SAMMSON: variants seen among roughly 807,000 people sequenced by gnomAD.
SAMMSON encodes the protein survival associated mitochondrial melanoma specific oncogenic non-coding RNA, also known as long intergenic non-protein coding RNA 1212.
chr3:70,377,211 A>G (rs1443442953), intron 9 of SAMMSON, among the ~76,000 whole-genome samples: 1 of 152,146 alleles, frequency 6.6e-6, no homozygotes, highest in Non-Finnish European at 1.5e-5. Context: ...AAACTGTATG[A>G]AACAGAGAAA....
chr3:70,000,136 G>A (rs190854933), intron 1 of SAMMSON, among the ~76,000 whole-genome samples: 5 of 152,316 alleles, frequency 3.3e-5, no homozygotes, highest in Admixed American at 3.3e-4. Context: ...CAAACTAAGA[G>A]AGCACCCAGT....
At chr3:70,041,209 A>G (rs920176584) in intron 3 of SAMMSON, among the ~76,000 whole-genome samples, 2 of 152,102 alleles carry the variant, frequency 1.3e-5, no homozygotes, top group African/African-American at 4.8e-5. Context: ...CATTTGTGGA[A>G]TTTCCAAAGA....
intron 3 of SAMMSON, among the ~76,000 whole-genome samples, chr3:70,035,299 G>A (rs963545896): frequency 4.6e-5 from 7 of 152,262 alleles, no homozygotes; most frequent in African/African-American, 1.7e-4. Context: ...AGCACACTGA[G>A]TGCTTTTCAC....
At chr3:70,077,060 G>C (rs2067250472) in intron 4 of SAMMSON, among the ~76,000 whole-genome samples, 1 of 152,016 alleles carries the variant, frequency 6.6e-6, no homozygotes, top group Non-Finnish European at 1.5e-5. Flanking sequence ...AATGAAGGAA[G>C]CTTAATTTCA....
downstream of SAMMSON, among the ~76,000 whole-genome samples, chr3:70,394,732 A>G (rs1701077255): frequency 6.6e-6 from 1 of 152,168 alleles, no homozygotes; most frequent in Non-Finnish European, 1.5e-5. Flanking sequence ...AACTATACGT[A>G]AAATCACGTC....
At chr3:70,034,079 A>G (rs1402421823) in intron 3 of SAMMSON, among the ~76,000 whole-genome samples, 1 of 152,162 alleles carries the variant, frequency 6.6e-6, no homozygotes, top group Non-Finnish European at 1.5e-5. Flanking sequence ...TAACTTTTGT[A>G]CTGGATACCA....
chr3:70,008,119 G>A (rs2066936320), intron 1 of SAMMSON, among the ~76,000 whole-genome samples: 2 of 152,100 alleles, frequency 1.3e-5, no homozygotes, highest in South Asian at 2.1e-4. Flanking sequence ...GGATTGACTT[G>A]GCGATGTGGG....
At chr3:70,300,911 TA>T (rs775284707) in intron 7 of SAMMSON, among the ~76,000 whole-genome samples, 8 of 151,982 alleles carry the variant, frequency 5.3e-5, no homozygotes, top group South Asian at 2.1e-4. Flanking sequence ...TTGCTGTTTT[TA>T]AAAAAAAGTC....
chr3:70,229,836 T>A (rs1194945831), intron 4 of SAMMSON, among the ~76,000 whole-genome samples: 1 of 152,184 alleles, frequency 6.6e-6, no homozygotes, highest in Non-Finnish European at 1.5e-5. Flanking sequence ...TGGAGGTCAA[T>A]ATTTGAAACA....
chr3:70,324,970 T>C (rs564749278), intron 7 of SAMMSON, among the ~76,000 whole-genome samples: 203 of 151,254 alleles, frequency 1.3e-3, no homozygotes, highest in African/African-American at 4.2e-3. Context: ...GCATTGGATA[T>C]TGAAAGCTGG....
rs375907786 is a variant in SAMMSON, at chr3:70,298,137, A to G, written n.739+6894A>G. Among the ~76,000 whole-genome samples the G allele has an allele frequency of 9.1e-4, 138 of 152,218 alleles. 5 individuals are homozygous for G. The South Asian group carries it at 0.028, about 31-fold the overall frequency. On this transcript the variant is annotated intron_variant and non_coding_transcript_variant, in intron 7 of 9. Transcript: ENST00000642114. The stretch of plus-strand genomic sequence containing the variant: ...GGTTTGACCAGATAAGGATATTTGA[A>G]AATTAAAGTTAGATTTGGCATCTAA...
intron 4 of SAMMSON, among the ~76,000 whole-genome samples, chr3:70,182,426 G>A (rs1008791707): frequency 6.6e-6 from 1 of 152,138 alleles, no homozygotes; most frequent in Non-Finnish European, 1.5e-5. Context: ...CGCTGCAGCT[G>A]GCCTTTAAAC....
chr3:70,406,812 A>G (rs974557277), intron 2 of SAMMSON, among the ~76,000 whole-genome samples: 3 of 152,226 alleles, frequency 2.0e-5, no homozygotes, highest in Non-Finnish European at 4.4e-5. Flanking sequence ...AAGAGAGACA[A>G]TAGTTGAGAC....
chr3:70,018,121 C>T (rs572940155), intron 3 of SAMMSON, among the ~76,000 whole-genome samples: 94 of 152,222 alleles, frequency 6.2e-4, no homozygotes, highest in South Asian at 1.5e-3. Flanking sequence ...GGAGGATTCC[C>T]TCTTTTTCTA....
chr3:70,077,577 A>T (rs954677610), intron 4 of SAMMSON, among the ~76,000 whole-genome samples: 6 of 152,186 alleles, frequency 3.9e-5, no homozygotes, highest in African/African-American at 1.4e-4. Flanking sequence ...TTATTATGAT[A>T]GTTCGTAATT....
intron 6 of SAMMSON, among the ~76,000 whole-genome samples, chr3:70,262,480 T>G (rs1331121355): frequency 6.6e-6 from 1 of 152,206 alleles, no homozygotes; most frequent in Non-Finnish European, 1.5e-5. Flanking sequence ...TGCAGAGCTC[T>G]TCAGTGTTTA....
intron 2 of SAMMSON, among the ~76,000 whole-genome samples, chr3:70,398,784 A>G (rs1355939967): frequency 6.6e-6 from 1 of 152,226 alleles, no homozygotes; most frequent in Non-Finnish European, 1.5e-5. Flanking sequence ...AGAAACACAT[A>G]AATATAGATT....
At chr3:70,203,688 G>A (rs867269218) in intron 4 of SAMMSON, among the ~76,000 whole-genome samples, 12 of 152,028 alleles carry the variant, frequency 7.9e-5, no homozygotes, top group Admixed American at 2.6e-4. Context: ...AGTAGTCCAT[G>A]GTGTAATTAA....
chr3:70,377,614 C>T (rs1703031697), intron 9 of SAMMSON, among the ~76,000 whole-genome samples: 1 of 151,836 alleles, frequency 6.6e-6, no homozygotes, highest in Non-Finnish European at 1.5e-5. Context: ...AAACTCAGAG[C>T]CATAAAAGAA....
Sources: gnomAD v4.1 joint callset for allele counts (sites outside exome capture counted in the v4.1 genomes callset) on GRCh38, gnomAD v4.1.1 for gene constraint, MANE v1.5 for transcripts, NCBI Gene and HGNC (gene_info 2026-07-23, HGNC 2026-07-21) for gene names.